Variants in EVI5 observed in about 807,000 individuals in gnomAD.
The protein encoded by EVI5 is ecotropic viral integration site 5.
In EVI5, 73 loss-of-function variants were observed where a neutral mutation model predicts 112.0. The observed-to-expected ratio is 0.65, with a 90% confidence interval of 0.54 to 0.79. The LOEUF (loss-of-function observed/expected upper bound fraction) is 0.79. EVI5 is among the 30% of genes least tolerant of loss of function. The pLI is 0.00. For missense variants in EVI5, 900 were observed against 968.8 expected (o/e 0.93, Z 0.94); for synonymous variants, 305 against 319.9 (o/e 0.95, Z 0.50).
chr1:92,584,527 C>T (rs1282991995), intron 18 of EVI5, among the ~76,000 whole-genome samples: 1 of 152,132 alleles, frequency 6.6e-6, no homozygotes, highest in East Asian at 1.9e-4. Context: ...CAATAGCAAC[C>T]ACTAGGCTTT....
intron 18 of EVI5, among the ~76,000 whole-genome samples, chr1:92,577,988 T>C (rs1671340149): frequency 1.3e-5 from 2 of 152,226 alleles, no homozygotes; most frequent in Non-Finnish European, 2.9e-5. Flanking sequence ...GCTTTTGTCT[T>C]TTCCCTGTAA....
At chr1:92,717,380 G>C (rs1284502829) in intron 2 of EVI5, among the ~76,000 whole-genome samples, 1 of 152,146 alleles carries the variant, frequency 6.6e-6, no homozygotes, top group Non-Finnish European at 1.5e-5. Context: ...AGAGAGTAGG[G>C]GCCAATCTTC....
At chr1:92,662,955 G>GT (rs1198689037) in intron 12 of EVI5, 90 bp from the exon 13 acceptor site, 22 of 313,902 alleles carry the variant, frequency 7.0e-5, no homozygotes, top group Middle Eastern at 1.8e-3. Flanking sequence ...ACTTTGACAT[G>GT]TTAAAAAAAA....
At position 92,529,216 on chromosome 1, in the gene EVI5, A is replaced by G. The variant is rs1240778195; in HGVS notation, c.2167-15246T>C. 5.9e-5 allele frequency among the ~76,000 whole-genome samples: 9 copies of G among 152,204 alleles called. No homozygotes were observed. The East Asian group carries it at 1.7e-3, about 29-fold the overall frequency. On this transcript the variant is annotated intron_variant, in intron 19 of 19. Coordinates refer to ENST00000684568, the MANE Select transcript of EVI5 (RefSeq NM_001350197.2). ...CTTCTTTCAAAGTTTAGAAATAGGA[A>G]AAGAATAACTGGTTTGGCTTTGTCT...
At chr1:92,562,777 T>C (rs1450353725) in intron 19 of EVI5, among the ~76,000 whole-genome samples, 3 of 152,198 alleles carry the variant, frequency 2.0e-5, no homozygotes, top group Non-Finnish European at 4.4e-5. Context: ...AGACTTTAAC[T>C]GAAGGGTGTA....
At chr1:92,763,170 G>A (rs1032220296) in intron 1 of EVI5, among the ~76,000 whole-genome samples, 4 of 152,134 alleles carry the variant, frequency 2.6e-5, no homozygotes, top group African/African-American at 9.7e-5. Context: ...TTGAGAAGAT[G>A]AGGTGGGAGG....
intron 2 of EVI5, among the ~76,000 whole-genome samples, chr1:92,715,202 T>G (rs1673438343): frequency 6.6e-6 from 1 of 151,898 alleles, no homozygotes; most frequent in Non-Finnish European, 1.5e-5. Flanking sequence ...GAGACAGGGT[T>G]TCACCATATT....
intron 19 of EVI5, among the ~76,000 whole-genome samples, chr1:92,518,714 G>A (rs748647561): frequency 5.9e-5 from 9 of 151,610 alleles, no homozygotes; most frequent in African/African-American, 1.5e-4. Flanking sequence ...CATGAGCTTC[G>A]AGACTGAAAA....
chr1:92,629,512 T>A (rs188405094), intron 14 of EVI5, among the ~76,000 whole-genome samples: 1 of 152,320 alleles, frequency 6.6e-6, no homozygotes, highest in African/African-American at 2.4e-5. Context: ...TCCCATTACT[T>A]ATCTCATCTT....
chr1:92,648,316 T>C (rs1209784878), intron 13 of EVI5, among the ~76,000 whole-genome samples: 1 of 149,150 alleles, frequency 6.7e-6, no homozygotes, highest in Non-Finnish European at 1.5e-5. Context: ...GAGCTTGCAA[T>C]GAGCAGAGAT....
rs117267973 is a variant in EVI5 at position 92,573,161 on chromosome 1, A to G, written c.2071-9424T>C. Among the ~76,000 whole-genome samples the G allele has an allele frequency of 2.0e-5, 3 of 152,212 alleles. No individual in the cohort carries two copies. In the East Asian group the frequency reaches 5.8e-4, roughly 29 times the overall value. Reference sequence around the variant, plus strand: ...TTTAAAACAGTGATCCCCAAAGATAATTAGAGAAGTATCACTTTAGGAGTT... The same window carrying G: ...TTTAAAACAGTGATCCCCAAAGATAGTTAGAGAAGTATCACTTTAGGAGTT... On this transcript the variant is annotated intron_variant, in intron 18 of 19. Transcript: ENST00000684568.
intron 1 of EVI5, among the ~76,000 whole-genome samples, chr1:92,751,139 G>C (rs904984328): frequency 3.9e-5 from 6 of 152,056 alleles, no homozygotes; most frequent in Admixed American, 6.6e-5. Flanking sequence ...GACAGAACAA[G>C]ACTCCCTCTC....
At position 92,636,345 on chromosome 1, in the gene EVI5, T is replaced by C. The variant is rs1658826914; in HGVS notation, c.1393-9A>G. ...TTGGAACTGCATTTATGCTAAAGGT[T>C]ACAGACATACACTGAAATTTCATGA... On this transcript the variant is annotated splice_polypyrimidine_tract_variant and intron_variant, in intron 13 of 19. Transcript: ENST00000684568. The C allele has an allele frequency of 1.2e-6, 2 of 1,610,462 alleles. No homozygotes were observed. Among genetic ancestry groups the C allele is most frequent in the East Asian group, 2.2e-5 (1 of 44,836 alleles).
chr1:92,548,435 C>T (rs1160834769), intron 19 of EVI5, among the ~76,000 whole-genome samples: 2 of 152,146 alleles, frequency 1.3e-5, no homozygotes, highest in African/African-American at 2.4e-5. Context: ...TGAAAACTGG[C>T]ACAAGACAGG....
chr1:92,776,547 GCTT>G (rs942798100), intron 1 of EVI5, among the ~76,000 whole-genome samples: 8 of 151,620 alleles, frequency 5.3e-5, no homozygotes, highest in African/African-American at 1.9e-4. Context: ...TAGTCTAGAA[GCTT>G]TTTTCAAAAT....
chr1:92,627,666 C>A (rs1406080230), intron 14 of EVI5, among the ~76,000 whole-genome samples: 1 of 152,158 alleles, frequency 6.6e-6, no homozygotes, highest in Non-Finnish European at 1.5e-5. Context: ...GTTCCCTGTT[C>A]ATTGCATCCA....
At chr1:92,610,003 G>C (rs1011967999) in intron 16 of EVI5, among the ~76,000 whole-genome samples, 2 of 151,616 alleles carry the variant, frequency 1.3e-5, no homozygotes, top group African/African-American at 4.8e-5. Context: ...CTCCCACCTC[G>C]GTCTCCTGAA....
chr1:92,660,026 T>C (rs1663699063), intron 13 of EVI5, among the ~76,000 whole-genome samples: 1 of 151,934 alleles, frequency 6.6e-6, no homozygotes, highest in Admixed American at 6.6e-5. Context: ...AGAAATAATG[T>C]ATACACATGG....
At chr1:92,561,327 C>T (rs1406108464) in intron 19 of EVI5, among the ~76,000 whole-genome samples, 3 of 151,878 alleles carry the variant, frequency 2.0e-5, no homozygotes, top group Non-Finnish European at 4.4e-5. Context: ...AATAAAAATG[C>T]TTTAAAGGTT....
Sources: allele counts gnomAD v4.1 joint callset (sites outside exome capture counted in the v4.1 genomes callset), GRCh38; gene constraint gnomAD v4.1.1; transcripts MANE v1.5; gene names NCBI Gene and HGNC (gene_info 2026-07-23, HGNC 2026-07-21).